IGFBP5: variants seen among roughly 807,000 people sequenced by gnomAD.
The protein encoded by IGFBP5 is insulin-like growth factor-binding protein 5.
A neutral mutation model predicts 28.0 loss-of-function variants in IGFBP5; 12 were observed. That is an observed-to-expected ratio of 0.43 (90% CI 0.27 to 0.69). The LOEUF (loss-of-function observed/expected upper bound fraction) is 0.69, where lower values mean the gene tolerates loss of function less well. Ranked by LOEUF, IGFBP5 falls within the 30% of genes least tolerant of loss-of-function variation. The pLI is 0.20. For missense variants in IGFBP5, 344 were observed against 381.6 expected (o/e 0.90, Z 0.82); for synonymous variants, 152 against 150.2 (o/e 1.01, Z -0.09).
rs1357793608 is a variant in IGFBP5, at chr2:216,695,548, A to G, written c.-773T>C. On this transcript the variant is annotated 5_prime_UTR_variant, in exon 1 of 4. Coordinates refer to ENST00000233813, the MANE Select transcript of IGFBP5 (RefSeq NM_000599.4). ...CCCTGCAGAAGTTTCCAAAGAGACTACGGGGCTCCGGGAGAGCAGGCGCTT... is the reference window on the plus strand; with the variant it reads ...CCCTGCAGAAGTTTCCAAAGAGACTGCGGGGCTCCGGGAGAGCAGGCGCTT... The G allele has an allele frequency of 6.6e-6, 1 of 152,234 alleles. No homozygotes were observed. The highest frequency in any genetic ancestry group is 1.5e-5 in the Non-Finnish European group (1 of 68,052). The allele number at this position is 152,234 out of a possible 1,614,324, so 9.4% of individuals were successfully genotyped here.
At chr2:216,683,495 C>T (rs1398556104) in intron 1 of IGFBP5, among the ~76,000 whole-genome samples, 1 of 152,144 alleles carries the variant, frequency 6.6e-6, no homozygotes, top group East Asian at 1.9e-4. Flanking sequence ...GTCAGGGAGA[C>T]AAACAAGCGA....
At chr2:216,683,933 C>T (rs941724611) in intron 1 of IGFBP5, among the ~76,000 whole-genome samples, 5 of 152,206 alleles carry the variant, frequency 3.3e-5, no homozygotes, top group African/African-American at 1.2e-4. Flanking sequence ...AGTCCTCTTT[C>T]ATTCATAAGG....
In IGFBP5 at chr2:216,682,113, C is replaced by T. The variant is rs11575175; in HGVS notation, c.338-3034G>A. ...CCAAGGCAAGTCTCCTGAGGGCACA[C>T]CTTCCCCAGCTTTGCAAGCTTTTTG... On this transcript the variant is annotated intron_variant, in intron 1 of 3. Transcript: ENST00000233813. Among the ~76,000 whole-genome samples, 896 of 152,322 alleles carry T rather than the reference C, an allele frequency of 5.9e-3. 26 individuals carry two copies. The East Asian group carries it at 0.07, about 12-fold the overall frequency.
chr2:216,685,653 C>T (rs1204429318), intron 1 of IGFBP5, among the ~76,000 whole-genome samples: 1 of 152,200 alleles, frequency 6.6e-6, no homozygotes, highest in Non-Finnish European at 1.5e-5. Context: ...AAATGTAAGA[C>T]ATGTCTCAGT....
rs1046660209 is a variant in IGFBP5, at chr2:216,694,647, C to T, written c.129G>A (p.Leu43=). 2 of 1,531,116 alleles carry T rather than the reference C, an allele frequency of 1.3e-6. No homozygotes were observed. Among genetic ancestry groups the T allele is most frequent in the Non-Finnish European group, 8.8e-7 (1 of 1,142,466 alleles). The allele number at this position is 1,531,116 out of a possible 1,614,324, so 94.8% of individuals were successfully genotyped here. A position where few individuals can be genotyped will look rare whatever the true frequency, so the allele number is the denominator to read the frequency against. Reference sequence around the variant, plus strand: ...CCGGCTCCTTGACCAGCTCGCAGCCCAGGGGGCTGGGGGGGCACATGGAGA... The same window carrying T: ...CCGGCTCCTTGACCAGCTCGCAGCCTAGGGGGCTGGGGGGGCACATGGAGA... ...KALSMCPPSP[L]GCELVKEPGC... is the part of the protein sequence containing the mutation. Residue 43 remains leucine (L), a synonymous_variant, in exon 1 of 4, where the codon CTG becomes CTA. Transcript: ENST00000233813. This position sits in a 1 kb window ranked among gnomAD's most constrained non-coding sequence, Gnocchi z 5.2.
At position 216,672,578 on chromosome 2, in the gene IGFBP5, C is replaced by G. The variant is rs552953269; in HGVS notation, c.*4173G>C. 1.3e-5 allele frequency: 2 copies of G among 152,502 alleles called. No individual in the cohort carries two copies. The highest frequency in any genetic ancestry group is 4.8e-5 in the African/African-American group (2 of 41,394). 9.4% of individuals were successfully genotyped at this position (152,502 alleles called of 1,614,324 possible). Reference sequence around the variant, plus strand: ...CAACGAAAACAACCGGTAGGCAACTCGGAATCTGAAGGAATCTTGTCTGAC... The same window carrying G: ...CAACGAAAACAACCGGTAGGCAACTGGGAATCTGAAGGAATCTTGTCTGAC... On this transcript the variant is annotated 3_prime_UTR_variant, in exon 4 of 4. Coordinates refer to ENST00000233813, the MANE Select transcript of IGFBP5 (RefSeq NM_000599.4).
chr2:216,691,612 T>A (rs1689096256), intron 1 of IGFBP5, among the ~76,000 whole-genome samples: 1 of 151,984 alleles, frequency 6.6e-6, no homozygotes, highest in African/African-American at 2.4e-5. Context: ...TCGGGCCCAC[T>A]CCCTCTCCAG....
At chr2:216,686,488 T>G (rs1689036091) in intron 1 of IGFBP5, among the ~76,000 whole-genome samples, 1 of 151,966 alleles carries the variant, frequency 6.6e-6, no homozygotes, top group African/African-American at 2.4e-5. Flanking sequence ...CGTGGCAGTG[T>G]GCACCTATAG....
rs1448906193 is a variant in IGFBP5, at chr2:216,678,183, T to C, written c.616A>G (p.Ser206Gly). 6.3e-7 allele frequency: 1 copy of C among 1,596,436 alleles called. No individual in the cohort carries two copies. The highest frequency in any genetic ancestry group is 1.3e-5 in the African/African-American group (1 of 74,588). Residue 206 changes from serine to glycine, a missense_variant, in exon 3 of 4, where the codon AGC becomes GGC. Ser to Gly is a moderately conservative substitution (Grantham distance 56, BLOSUM62 0). Coordinates refer to ENST00000233813, the MANE Select transcript of IGFBP5 (RefSeq NM_000599.4). ...MEASLQELKA[S>G]PRMVPRAVYL... The stretch of plus-strand genomic sequence containing the variant: ...ACAGCACGGGGCACCATGCGTGGGC[T>C]GGCTTTGAGCTCCTGCAGGGAAGCC...
At position 216,694,861 on chromosome 2, in the gene IGFBP5, TTTTTTGTTTTTG is replaced by T; in HGVS notation, c.-98_-87del. 1.0e-6 allele frequency: 1 copy of T among 985,280 alleles called. No homozygotes were observed. The highest frequency in any genetic ancestry group is 1.3e-6 in the Non-Finnish European group (1 of 751,678). The allele number at this position is 985,280 out of a possible 1,614,324, so 61.0% of individuals were successfully genotyped here. A position where few individuals can be genotyped will look rare whatever the true frequency, so the allele number is the denominator to read the frequency against. On this transcript the variant is annotated 5_prime_UTR_variant, in exon 1 of 4. Coordinates refer to ENST00000233813, the MANE Select transcript of IGFBP5 (RefSeq NM_000599.4). This position sits in a 1 kb window ranked among gnomAD's most constrained non-coding sequence, Gnocchi z 5.2. ...AGGGGCCAAGAGGGCCCCCGGAGAT[TTTTTTGTTTTTG>T]TTTTTGTTTTAAAATTTCTGGCAGG... is the stretch of plus-strand genomic sequence containing the variant.
chr2:216,689,290 C>T (rs1465189369), intron 1 of IGFBP5, among the ~76,000 whole-genome samples: 1 of 152,228 alleles, frequency 6.6e-6, no homozygotes, highest in Non-Finnish European at 1.5e-5. Flanking sequence ...AGGTTTGGCG[C>T]ATGGACCTGA....
At position 216,672,275 on chromosome 2, in the gene IGFBP5, G is replaced by A. The variant is rs3276; in HGVS notation, c.*4476C>T. On this transcript the variant is annotated 3_prime_UTR_variant, in exon 4 of 4. Transcript: ENST00000233813. Reference sequence around the variant, plus strand: ...TTTCCTTAAGTACAAAATGCTAAACGGGAGCCGAGCTCTTCCGCATTCAGG... The same window carrying A: ...TTTCCTTAAGTACAAAATGCTAAACAGGAGCCGAGCTCTTCCGCATTCAGG... 0.063 allele frequency: 9,234 copies of A among 147,176 alleles called. 384 individuals are homozygous for A. Among genetic ancestry groups the A allele is most frequent in the South Asian group, 0.1 (472 of 4,652 alleles). 9.1% of individuals were successfully genotyped at this position (147,176 alleles called of 1,614,324 possible). A position where few individuals can be genotyped will look rare whatever the true frequency, so the allele number is the denominator to read the frequency against.
chr2:216,694,861 TTTTTTG>T lies in IGFBP5; in HGVS notation c.-92_-87del, dbSNP rs1169465384. ...AGGGGCCAAGAGGGCCCCCGGAGAT[TTTTTTG>T]TTTTTGTTTTTGTTTTAAAATTTCT... On this transcript the variant is annotated 5_prime_UTR_variant, in exon 1 of 4. Transcript: ENST00000233813. This position sits in a 1 kb window ranked among gnomAD's most constrained non-coding sequence, Gnocchi z 5.2. 12 of 985,160 alleles carry T rather than the reference TTTTTTG, an allele frequency of 1.2e-5. No homozygotes were observed. Among genetic ancestry groups the T allele is most frequent in the African/African-American group, 1.7e-5 (1 of 59,156 alleles). The allele number at this position is 985,160 out of a possible 1,614,324, so 61.0% of individuals were successfully genotyped here.
At chr2:216,678,280 C>G (rs13398831) in intron 2 of IGFBP5, 49 bp from the exon 3 acceptor site, 3 of 1,460,124 alleles carry the variant, frequency 2.1e-6, no homozygotes, top group South Asian at 3.1e-5. Flanking sequence ...GGGAAAACCA[C>G]CCAGCTGCGC....
chr2:216,692,362 C>CGTGTGTGTGTGTGTGTGTGTGT lies in IGFBP5; in HGVS notation c.337+2055_337+2076dup, dbSNP rs59144401. 2.1e-5 allele frequency among the ~76,000 whole-genome samples: 3 copies of CGTGTGTGTGTGTGTGTGTGTGT among 142,534 alleles called. No homozygotes were observed. In the East Asian group the frequency reaches 6.5e-4, roughly 31 times the overall value. The allele number at this position is 142,534 out of a possible 152,430, so 93.5% of individuals were successfully genotyped here. On this transcript the variant is annotated intron_variant, in intron 1 of 3. Transcript: ENST00000233813. The surrounding 1 kb of genome is among the most constrained non-coding windows in gnomAD (Gnocchi z 4.2). ...GGGATCTTGCTTGGGACTGAAGTGTCGTGTGTGTGTGTGTGTGTGTGTGTG... is the reference window on the plus strand; with the variant it reads ...GGGATCTTGCTTGGGACTGAAGTGTCGTGTGTGTGTGTGTGTGTGTGTGTGTGTGTGTGTGTGTGTGTGTGTG...
At position 216,674,464 on chromosome 2, in the gene IGFBP5, T is replaced by TA. The variant is rs2106215226; in HGVS notation, c.*2286dup. On this transcript the variant is annotated 3_prime_UTR_variant, in exon 4 of 4. Transcript: ENST00000233813. This position sits in a 1 kb window ranked among gnomAD's most constrained non-coding sequence, Gnocchi z 4.4. ...AGATAGCCCCCAAGTTCTATAGCTA[T>TA]AGGGTTCCCATCAGTTGAAACAGAT... 6.6e-6 allele frequency: 1 copy of TA among 152,614 alleles called. No homozygotes were observed. Among genetic ancestry groups the TA allele is most frequent in the African/African-American group, 2.4e-5 (1 of 41,574 alleles). The allele number at this position is 152,614 out of a possible 1,614,324, so 9.5% of individuals were successfully genotyped here.
Position 216,678,221 on chromosome 2 carries a change from C to A in IGFBP5, c.578G>T (p.Arg193Leu). 2 of 1,573,626 alleles carry A rather than the reference C, an allele frequency of 1.3e-6. No individual in the cohort carries two copies. The highest frequency in any genetic ancestry group is 1.7e-6 in the Non-Finnish European group (2 of 1,156,948). ...CTGCAGGGAAGCCTCCATGTGTCTG[C>A]GGCAGGGGCCCTGTGTGGACAGGAG... ...MRQESEQGPC[R>L]RHMEASLQEL... The change falls in exon 3 of 4, where the codon CGC becomes CTC. Residue 193 changes from arginine (R) to leucine (L), a missense_variant. Arg to Leu is a moderately radical substitution (Grantham distance 102, BLOSUM62 -2). This residue lies in a region of IGFBP5 where 304 missense variants were observed against 329.2 expected (regional missense o/e 0.92). Transcript: ENST00000233813.
chr2:216,687,891 C>T (rs545787152), intron 1 of IGFBP5, among the ~76,000 whole-genome samples: 3 of 152,152 alleles, frequency 2.0e-5, no homozygotes, highest in Admixed American at 1.3e-4. Context: ...CCTGAGGCCC[C>T]GAAGAAGGTG....
In IGFBP5 at chr2:216,679,715, G is replaced by T. The variant is rs7585023; in HGVS notation, c.338-636C>A. ...CTTCATAAGCGGCAGGAGGAGGGGA[G>T]GGGAGAGCCAGAAATGTAGGCCCGG... is the stretch of plus-strand genomic sequence containing the variant. On this transcript the variant is annotated intron_variant, in intron 1 of 3. Transcript: ENST00000233813. The surrounding 1 kb of genome is among the most constrained non-coding windows in gnomAD (Gnocchi z 4.6). 0.055 allele frequency among the ~76,000 whole-genome samples: 8,348 copies of T among 152,126 alleles called. 735 individuals are homozygous for T. The highest frequency in any genetic ancestry group is 0.19 in the African/African-American group (7,748 of 41,438).
Sources: gnomAD v4.1 joint callset for allele counts (sites outside exome capture counted in the v4.1 genomes callset) on GRCh38, gnomAD v4.1.1 for gene constraint, gnomAD v4.1.1 regional missense constraint, Gnocchi (gnomAD v3.1) non-coding constraint, MANE v1.5 for transcripts, NCBI Gene and HGNC (gene_info 2026-07-23, HGNC 2026-07-21) for gene names.